Variants in CNTN3 observed in about 807,000 individuals in gnomAD.
CNTN3 encodes the protein contactin 3.
Under a neutral mutation model 119.1 loss-of-function variants are expected in CNTN3, and 60 were observed. The observed-to-expected ratio is 0.50, with a 90% CI of 0.41 to 0.62. CNTN3 has a LOEUF of 0.62. Among genes scored for constraint, CNTN3 ranks in the 20% least tolerant of loss-of-function variants. The pLI is 0.00. For missense variants in CNTN3, 1,101 were observed against 1,242.4 expected, an observed-to-expected ratio of 0.89 and a Z score of 1.71; for synonymous variants, 450 against 438.7, an observed-to-expected ratio of 1.03 and a Z score of -0.32.
At chr3:74,400,617 A>G (rs1705166063) in intron 5 of CNTN3, among the ~76,000 whole-genome samples, 1 of 152,194 alleles carries the variant, frequency 6.6e-6, no homozygotes, top group Non-Finnish European at 1.5e-5. Context: ...ATTCTCTGCA[A>G]CTATGGCACC....
chr3:74,452,877 T>C (rs1702187358), intron 4 of CNTN3, among the ~76,000 whole-genome samples: 1 of 151,792 alleles, frequency 6.6e-6, no homozygotes, highest in Non-Finnish European at 1.5e-5. Context: ...CACTTGATCA[T>C]GGTGGATAAG....
At chr3:74,612,512 A>T (rs890563724) in intron 1 of CNTN3, among the ~76,000 whole-genome samples, 1 of 152,176 alleles carries the variant, frequency 6.6e-6, no homozygotes. Flanking sequence ...TGACATCCAG[A>T]CAGTGAGGAG....
chr3:74,334,937 A>T (rs765002546), intron 12 of CNTN3, 27 bp from the exon 13 acceptor site: 19 of 1,580,820 alleles, frequency 1.2e-5, no homozygotes, highest in Non-Finnish European at 1.4e-5. Context: ...TTTTCAGAAA[A>T]ACAGCATTTT....
Position 74,460,772 on chromosome 3 carries a change from CATATATATATATATATATAT to C in CNTN3, c.358+25664_358+25683del, listed in dbSNP as rs71129755. On this transcript the variant is annotated intron_variant, in intron 4 of 22. Transcript: ENST00000263665. The stretch of plus-strand genomic sequence containing the variant: ...TAGAGATAGTTTTATTTCTTATTTT[CATATATATATATATATATAT>C]ATATATATATATATATATATATATA... Among the ~76,000 whole-genome samples the C allele has an allele frequency of 7.7e-3, 685 of 89,502 alleles. 11 individuals are homozygous for C. Among genetic ancestry groups the C allele is most frequent in the Admixed American group, 0.016 (142 of 8,750 alleles). 58.7% of individuals were successfully genotyped at this position (89,502 alleles called of 152,430 possible).
rs145326502 is a variant in CNTN3 at position 74,593,600 on chromosome 3, C to T, written c.-81+20791G>A. ...CTATCAATGATCGAGTACCTCTGTG[C>T]CAGAAACTGTTATTTTTAATTTCAC... On this transcript the variant is annotated intron_variant, in intron 1 of 22. Transcript: ENST00000263665. 5.9e-5 allele frequency among the ~76,000 whole-genome samples: 9 copies of T among 151,958 alleles called. No homozygotes were observed. The East Asian group carries it at 1.7e-3, about 30-fold the overall frequency.
At chr3:74,392,409 T>G (rs564461452) in intron 5 of CNTN3, among the ~76,000 whole-genome samples, 4 of 152,320 alleles carry the variant, frequency 2.6e-5, no homozygotes, top group Non-Finnish European at 4.4e-5. Context: ...CCACCCTGCT[T>G]CTTCTTTTTC....
At chr3:74,288,451 G>A (rs982876760) in intron 19 of CNTN3, among the ~76,000 whole-genome samples, 4 of 152,122 alleles carry the variant, frequency 2.6e-5, no homozygotes, top group East Asian at 1.9e-4. Context: ...GAGCCACCAC[G>A]CCTGGCCTAC....
At chr3:74,299,284 A>G (rs1208073464) in intron 17 of CNTN3, among the ~76,000 whole-genome samples, 2 of 152,180 alleles carry the variant, frequency 1.3e-5, no homozygotes, top group African/African-American at 2.4e-5. Context: ...TTGACACATC[A>G]TCAGCATCTT....
intron 11 of CNTN3, among the ~76,000 whole-genome samples, chr3:74,356,530 C>T (rs941558886): frequency 1.3e-5 from 2 of 152,048 alleles, no homozygotes; most frequent in Non-Finnish European, 2.9e-5. Context: ...TGTACCTGTC[C>T]TGTTACCTGT....
chr3:74,414,752 T>C (rs1007372075), intron 5 of CNTN3, among the ~76,000 whole-genome samples: 14 of 152,186 alleles, frequency 9.2e-5, no homozygotes, highest in Non-Finnish European at 1.8e-4. Context: ...AACAGCAGCA[T>C]GTGTAATATT....
chr3:74,414,876 T>C (rs1259421358), intron 5 of CNTN3, among the ~76,000 whole-genome samples: 1 of 110,122 alleles, frequency 9.1e-6, no homozygotes, highest in East Asian at 2.8e-4. Context: ...TTTCCTATAG[T>C]CTTTTTTTTT....
intron 4 of CNTN3, among the ~76,000 whole-genome samples, chr3:74,461,244 A>G (rs1203512129): frequency 6.6e-6 from 1 of 151,992 alleles, no homozygotes; most frequent in African/African-American, 2.4e-5. Context: ...AATATTTTGT[A>G]GAATTTAAGT....
chr3:74,600,268 T>C (rs888657985), intron 1 of CNTN3, among the ~76,000 whole-genome samples: 2 of 152,044 alleles, frequency 1.3e-5, no homozygotes, highest in Non-Finnish European at 2.9e-5. Flanking sequence ...ACCCTATAGA[T>C]GAAATCCTAT....
intron 5 of CNTN3, among the ~76,000 whole-genome samples, chr3:74,383,524 T>C (rs1485856877): frequency 6.6e-6 from 1 of 152,182 alleles, no homozygotes; most frequent in Non-Finnish European, 1.5e-5. Flanking sequence ...CTCACTCTGT[T>C]GCCCAGGCAG....
chr3:74,381,096 ACACACGCACACATAAACACACACG>A (rs977206602), intron 5 of CNTN3, among the ~76,000 whole-genome samples: 2 of 151,006 alleles, frequency 1.3e-5, no homozygotes, highest in African/African-American at 4.9e-5. Context: ...TCACACACAC[ACACACGCACACATAAACACACACG>A]CACGCACAGT....
At chr3:74,536,134 T>C (rs1207022063) in intron 1 of CNTN3, among the ~76,000 whole-genome samples, 2 of 152,094 alleles carry the variant, frequency 1.3e-5, no homozygotes, top group East Asian at 3.9e-4. Flanking sequence ...AGGTATTACA[T>C]TTTATTTACG....
intron 19 of CNTN3, among the ~76,000 whole-genome samples, chr3:74,288,268 C>G (rs548919025): frequency 6.7e-6 from 1 of 150,360 alleles, no homozygotes; most frequent in South Asian, 2.1e-4. Flanking sequence ...AAGCAATTCT[C>G]CTGCCTCAAC....
At chr3:74,402,850 G>A (rs1219986094) in intron 5 of CNTN3, among the ~76,000 whole-genome samples, 1 of 152,210 alleles carries the variant, frequency 6.6e-6, no homozygotes, top group Non-Finnish European at 1.5e-5. Flanking sequence ...ATGGCAAGGA[G>A]GAGTCAGCCA....
intron 1 of CNTN3, among the ~76,000 whole-genome samples, chr3:74,610,232 G>A (rs1441747117): frequency 6.6e-6 from 1 of 151,966 alleles, no homozygotes; most frequent in East Asian, 1.9e-4. Context: ...ACTAAGGTGG[G>A]AGAATCACTT....
Sources: gnomAD v4.1 joint callset for allele counts (sites outside exome capture counted in the v4.1 genomes callset) on GRCh38, gnomAD v4.1.1 for gene constraint, MANE v1.5 for transcripts, NCBI Gene and HGNC (gene_info 2026-07-23, HGNC 2026-07-21) for gene names.